SS18: variants seen among roughly 807,000 people sequenced by gnomAD.
SS18 encodes protein SSXT.
A neutral mutation model predicts 72.5 loss-of-function variants in SS18; 28 were observed. The ratio of observed to expected loss-of-function variants is 0.39; its 90% CI spans 0.29 to 0.53. SS18 has a LOEUF of 0.53. SS18 is among the 20% of genes least tolerant of loss of function. The probability of loss-of-function intolerance (pLI) is 0.76; values close to 1 mark genes in which losing one functional copy is unlikely to be tolerated. For synonymous variants in SS18, 172 were observed against 164.2 expected (o/e 1.05, Z -0.37); for missense variants, 518 against 535.3 (o/e 0.97, Z 0.32).
At chr18:26,074,665 G>C (rs899119506) in intron 3 of SS18, among the ~76,000 whole-genome samples, 1 of 151,850 alleles carries the variant, frequency 6.6e-6, no homozygotes, top group Admixed American at 6.6e-5. Flanking sequence ...TTTCACAACT[G>C]AGAAAAATTT....
intron 10 of SS18, among the ~76,000 whole-genome samples, chr18:26,021,282 T>A (rs2053345636): frequency 6.6e-6 from 1 of 152,184 alleles, no homozygotes; most frequent in South Asian, 2.1e-4. Context: ...GAGTTTCAAT[T>A]TTATCATCTG....
At chr18:26,054,842 G>A (rs748793349) in intron 4 of SS18, among the ~76,000 whole-genome samples, 140 of 151,762 alleles carry the variant, frequency 9.2e-4, no homozygotes, top group Non-Finnish European at 1.3e-3. Flanking sequence ...CCGGGTTCAA[G>A]CGATTCTCCT....
chr18:26,060,872 C>T (rs1012953916), intron 3 of SS18, among the ~76,000 whole-genome samples: 17 of 146,098 alleles, frequency 1.2e-4, no homozygotes, highest in African/African-American at 4.3e-4. Context: ...ACGAGAATCG[C>T]TTGCACCTGG....
intron 9 of SS18, among the ~76,000 whole-genome samples, chr18:26,034,471 C>T (rs760858024): frequency 6.6e-6 from 1 of 152,014 alleles, no homozygotes; most frequent in Middle Eastern, 3.2e-3. Context: ...CTACACTTCC[C>T]CCAAATTCTG....
rs538626513 is a variant in SS18 at position 26,019,617 on chromosome 18, C to T, written c.1231-1237G>A. Reference sequence around the variant, plus strand: ...CTTGAGGTCAGGAGTTCGAGACCAGCCTGACTAACATGGTGAAACCCCGTC... The same window carrying T: ...CTTGAGGTCAGGAGTTCGAGACCAGTCTGACTAACATGGTGAAACCCCGTC... On this transcript the variant is annotated intron_variant, in intron 10 of 10. Coordinates refer to ENST00000415083, the MANE Select transcript of SS18 (RefSeq NM_001007559.3). Among the ~76,000 whole-genome samples, 16 of 151,968 alleles carry T rather than the reference C, an allele frequency of 1.1e-4. No individual in the cohort carries two copies. In the East Asian group the frequency reaches 3.1e-3, roughly 29 times the overall value.
At chr18:26,082,942 G>C (rs145318773) in intron 2 of SS18, among the ~76,000 whole-genome samples, 7 of 151,694 alleles carry the variant, frequency 4.6e-5, no homozygotes, top group African/African-American at 1.5e-4. Flanking sequence ...ATTTAAAATT[G>C]GAGTATCAAT....
intron 4 of SS18, among the ~76,000 whole-genome samples, chr18:26,054,674 C>T (rs986666029): frequency 1.3e-5 from 2 of 149,398 alleles, no homozygotes; most frequent in Non-Finnish European, 3.0e-5. Context: ...ATCATTTGTA[C>T]TTTAAAAAAA....
chr18:26,061,239 G>A (rs2054118941), intron 3 of SS18, among the ~76,000 whole-genome samples: 1 of 152,194 alleles, frequency 6.6e-6, no homozygotes, highest in Non-Finnish European at 1.5e-5. Flanking sequence ...CTAGAACTCA[G>A]GAGGCGAAGG....
At chr18:26,052,587 G>C in intron 5 of SS18, 37 bp downstream of exon 5, 2 of 1,520,076 alleles carry the variant, frequency 1.3e-6, no homozygotes, top group African/African-American at 1.4e-5. Flanking sequence ...AAGGCTAATA[G>C]AGCACTCTAG....
chr18:26,066,600 G>GCACACACACACACACA (rs35011668), intron 3 of SS18, among the ~76,000 whole-genome samples: 160 of 144,428 alleles, frequency 1.1e-3, no homozygotes, highest in African/African-American at 3.0e-3. Flanking sequence ...GGAAATTTGT[G>GCACACACACACACACA]CACACACACA....
chr18:26,047,854 AAC>A (rs2053856884), intron 5 of SS18, among the ~76,000 whole-genome samples: 1 of 152,370 alleles, frequency 6.6e-6, no homozygotes. Flanking sequence ...CGTCTCAAAA[AAC>A]AACAACAAAT....
intron 5 of SS18, among the ~76,000 whole-genome samples, chr18:26,048,341 C>T (rs1312069258): frequency 6.6e-6 from 1 of 152,102 alleles, no homozygotes; most frequent in Non-Finnish European, 1.5e-5. Context: ...AAAGACTAGA[C>T]ACATCTATCA....
chr18:26,047,905 T>C (rs982538857), intron 5 of SS18, among the ~76,000 whole-genome samples: 4 of 152,142 alleles, frequency 2.6e-5, no homozygotes, highest in African/African-American at 9.7e-5. Context: ...AACAAAATGT[T>C]TTTACATGTG....
chr18:26,038,441 T>G (rs2053662747), intron 7 of SS18, 114 bp downstream of exon 7: 1 of 942,972 alleles, frequency 1.1e-6, no homozygotes. Flanking sequence ...GTTTCAAAAT[T>G]TAGAGGAAAC....
intron 5 of SS18, among the ~76,000 whole-genome samples, chr18:26,049,541 C>CT (rs1389990892): frequency 6.6e-6 from 1 of 152,146 alleles, no homozygotes; most frequent in Non-Finnish European, 1.5e-5. Flanking sequence ...TAGAGACGGT[C>CT]TTGCTCTGTC....
At chr18:26,027,745 C>T (rs2053476306) in intron 10 of SS18, among the ~76,000 whole-genome samples, 2 of 121,052 alleles carry the variant, frequency 1.7e-5, no homozygotes, top group Non-Finnish European at 3.6e-5. Flanking sequence ...AGCTATGCAT[C>T]AGAAAGAAAA....
At chr18:26,087,623 G>A (rs1280531335) in intron 1 of SS18, 46 bp from the exon 2 acceptor site, 3 of 1,142,498 alleles carry the variant, frequency 2.6e-6, no homozygotes, top group African/African-American at 3.1e-5. Context: ...AGTGCATCAA[G>A]TAAAATAAAA....
In SS18 at chr18:26,032,467, C is replaced by T. The variant is rs2053560230; in HGVS notation, c.1162G>A (p.Gly388Arg). The change falls in exon 10 of 11, where the codon GGA (glycine) becomes AGA (arginine). Residue 388 changes from glycine (G) to arginine (R), a missense_variant. Coordinates refer to ENST00000415083, the MANE Select transcript of SS18 (RefSeq NM_001007559.3). ...NYPQGQGQQY[G>R]GYRPTQPGPP... ...CCAGGCTGTGTTGGTCTATATCCTC[C>T]ATACTGCTGACCTTGTCCCTGTGGG... The T allele has an allele frequency of 2.5e-6, 4 of 1,613,920 alleles. No individual in the cohort carries two copies. The highest frequency in any genetic ancestry group is 2.5e-6 in the Non-Finnish European group (3 of 1,179,896).
At chr18:26,026,299 A>G (rs901797705) in intron 10 of SS18, among the ~76,000 whole-genome samples, 1 of 152,212 alleles carries the variant, frequency 6.6e-6, no homozygotes, top group Admixed American at 6.5e-5. Flanking sequence ...AAAAGGATAT[A>G]TATCATGACC....
Sources: gnomAD v4.1 joint callset for allele counts (sites outside exome capture counted in the v4.1 genomes callset) on GRCh38, gnomAD v4.1.1 for gene constraint, MANE v1.5 for transcripts, NCBI Gene and HGNC (gene_info 2026-07-23, HGNC 2026-07-21) for gene names.